The following TEAD1 variants were observed in gnomAD, a reference collection of about 807,000 sequenced individuals.
TEAD1 encodes transcriptional enhancer factor TEF-1.
Under a neutral mutation model 54.9 loss-of-function variants are expected in TEAD1, and 9 were observed. The ratio of observed to expected loss-of-function variants is 0.16; its 90% CI spans 0.10 to 0.29. TEAD1 has a LOEUF of 0.29. TEAD1 is among the 10% of genes least tolerant of loss of function. The probability of loss-of-function intolerance (pLI) is 1.00; values close to 1 mark genes in which losing one functional copy is unlikely to be tolerated. For synonymous variants in TEAD1, 200 were observed against 187.8 expected, an observed-to-expected ratio of 1.07 and a Z score of -0.53; for missense variants, 387 against 535.9, an observed-to-expected ratio of 0.72 and a Z score of 2.74.
intron 3 of TEAD1, among the ~76,000 whole-genome samples, chr11:12,843,525 A>G (rs1254655393): frequency 6.6e-6 from 1 of 152,236 alleles, no homozygotes; most frequent in Non-Finnish European, 1.5e-5. Flanking sequence ...TTGAATTTTA[A>G]TTAAACCAGT....
At chr11:12,852,383 A>G (rs1947293986) in intron 3 of TEAD1, among the ~76,000 whole-genome samples, 1 of 151,934 alleles carries the variant, frequency 6.6e-6, no homozygotes, top group Non-Finnish European at 1.5e-5. Flanking sequence ...GCCTGTGGGT[A>G]GCAGTCTATT....
At chr11:12,704,799 G>A (rs73421954) in intron 2 of TEAD1, among the ~76,000 whole-genome samples, 7,890 of 152,276 alleles carry the variant, frequency 0.052, 728 homozygotes, top group African/African-American at 0.18. Context: ...ACATTTACCA[G>A]GTGCTGTGCT....
At chr11:12,812,645 T>G (rs577428380) in intron 3 of TEAD1, among the ~76,000 whole-genome samples, 2 of 152,290 alleles carry the variant, frequency 1.3e-5, no homozygotes, top group East Asian at 3.8e-4. Flanking sequence ...CCTATGAAAT[T>G]TATCAAGAGA....
chr11:12,776,549 T>A (rs745976627), intron 3 of TEAD1, among the ~76,000 whole-genome samples: 6 of 152,096 alleles, frequency 3.9e-5, no homozygotes, highest in Non-Finnish European at 2.9e-5. Context: ...AAACACTGGG[T>A]ACTTTACAGT....
intron 2 of TEAD1, among the ~76,000 whole-genome samples, chr11:12,739,642 G>A (rs967175455): frequency 1.3e-5 from 2 of 152,154 alleles, no homozygotes; most frequent in African/African-American, 4.8e-5. Context: ...TAATATTCAA[G>A]GTCCCATTTT....
rs569251350 is a variant in TEAD1, at chr11:12,699,615, A to G, written c.-55+24054A>G. ...CACTGCATCCTGTTTATTTCTCTCA[A>G]TAAAACTAGTGTATCTGATTTACTC... On this transcript the variant is annotated intron_variant, in intron 2 of 12. Transcript: ENST00000527636. Among the ~76,000 whole-genome samples, 21 of 152,276 alleles carry G rather than the reference A, an allele frequency of 1.4e-4. 1 individual carries two copies. In the South Asian group the frequency reaches 3.5e-3, roughly 26 times the overall value.
At chr11:12,727,464 C>T (rs1944335934) in intron 2 of TEAD1, among the ~76,000 whole-genome samples, 1 of 152,088 alleles carries the variant, frequency 6.6e-6, no homozygotes, top group Non-Finnish European at 1.5e-5. Flanking sequence ...TCTGACATCC[C>T]CTTAACTAAC....
chr11:12,717,330 C>T (rs548365233), intron 2 of TEAD1, among the ~76,000 whole-genome samples: 3 of 152,228 alleles, frequency 2.0e-5, no homozygotes, highest in Admixed American at 1.3e-4. Flanking sequence ...TCTAGCTACA[C>T]CTGAAACATG....
chr11:12,803,894 G>A (rs1184967602), intron 3 of TEAD1, among the ~76,000 whole-genome samples: 1 of 152,216 alleles, frequency 6.6e-6, no homozygotes, highest in East Asian at 1.9e-4. Context: ...GCCAACACTT[G>A]TCCTGAAGCA....
At chr11:12,897,674 C>T (rs1948338985) in intron 9 of TEAD1, among the ~76,000 whole-genome samples, 1 of 152,232 alleles carries the variant, frequency 6.6e-6, no homozygotes, top group Non-Finnish European at 1.5e-5. Context: ...CTATTCATTT[C>T]AGCCTTGAAC....
chr11:12,708,224 A>G (rs1943860942), intron 2 of TEAD1, among the ~76,000 whole-genome samples: 1 of 151,360 alleles, frequency 6.6e-6, no homozygotes. Flanking sequence ...GCCTTGCTTG[A>G]TATCCAGGTG....
At chr11:12,888,402 G>A (rs1199888412) in intron 9 of TEAD1, among the ~76,000 whole-genome samples, 1 of 152,128 alleles carries the variant, frequency 6.6e-6, no homozygotes, top group Non-Finnish European at 1.5e-5. Context: ...TCAGCTACTC[G>A]GGAGACTGAG....
At chr11:12,839,978 T>TG (rs1213150298) in intron 3 of TEAD1, among the ~76,000 whole-genome samples, 3 of 151,964 alleles carry the variant, frequency 2.0e-5, no homozygotes, top group Non-Finnish European at 4.4e-5. Context: ...CCTGGCGCGG[T>TG]GGTTCACGCC....
intron 2 of TEAD1, among the ~76,000 whole-genome samples, chr11:12,680,372 G>T (rs1175559854): frequency 6.6e-6 from 1 of 152,212 alleles, no homozygotes; most frequent in African/African-American, 2.4e-5. Flanking sequence ...GCTGAGATGC[G>T]GAGAGCCCGC....
At chr11:12,682,771 C>T (rs570101829) in intron 2 of TEAD1, among the ~76,000 whole-genome samples, 3 of 152,220 alleles carry the variant, frequency 2.0e-5, no homozygotes, top group South Asian at 4.2e-4. Context: ...GTAAAACTCC[C>T]CTGCCCGGCA....
At chr11:12,822,535 G>C (rs1372229596) in intron 3 of TEAD1, 1 of 152,296 alleles carries the variant, frequency 6.6e-6, no homozygotes, top group African/African-American at 2.4e-5. Flanking sequence ...TACAATGGAA[G>C]ATGGGGGGTG....
chr11:12,864,006 T>C (rs1169696129), intron 4 of TEAD1, among the ~76,000 whole-genome samples: 1 of 151,102 alleles, frequency 6.6e-6, no homozygotes, highest in African/African-American at 2.4e-5. Context: ...TGTAATAATA[T>C]GCAAATCCAC....
At chr11:12,843,393 C>G (rs367648104) in intron 3 of TEAD1, among the ~76,000 whole-genome samples, 4 of 152,170 alleles carry the variant, frequency 2.6e-5, no homozygotes, top group African/African-American at 7.2e-5. Context: ...CCAGTGTCTA[C>G]GAATTACTGT....
At chr11:12,856,145 T>TTTA (rs1554942597) in intron 3 of TEAD1, among the ~76,000 whole-genome samples, 1 of 149,960 alleles carries the variant, frequency 6.7e-6, no homozygotes, top group African/African-American at 2.5e-5. Context: ...TTTTTTTTTT[T>TTTA]AACTTTATGT....
Sources: allele counts gnomAD v4.1 joint callset (sites outside exome capture counted in the v4.1 genomes callset), GRCh38; gene constraint gnomAD v4.1.1; transcripts MANE v1.5; gene names NCBI Gene and HGNC (gene_info 2026-07-23, HGNC 2026-07-21).